The following ATP8A2 variants were observed in gnomAD, a reference collection of about 807,000 sequenced individuals.
ATP8A2 encodes the protein phospholipid-transporting ATPase IB.
Under a neutral mutation model 165.6 loss-of-function variants are expected in ATP8A2, and 100 were observed. The observed-to-expected ratio is 0.60, with a 90% confidence interval of 0.51 to 0.71. The LOEUF (loss-of-function observed/expected upper bound fraction) is 0.71. Among genes scored for constraint, ATP8A2 ranks in the 30% least tolerant of loss-of-function variants. The pLI, the probability that ATP8A2 is intolerant of heterozygous loss-of-function variation, is 0.00. For missense variants in ATP8A2, 1,227 were observed against 1,479.5 expected, an observed-to-expected ratio of 0.83 and a Z score of 2.80; for synonymous variants, 543 against 548.8, an observed-to-expected ratio of 0.99 and a Z score of 0.15.
chr13:25,937,640 G>A lies in ATP8A2; in HGVS notation c.3184-23935G>A, dbSNP rs377585766. Among the ~76,000 whole-genome samples the A allele has an allele frequency of 4.3e-3, 652 of 151,162 alleles. 4 individuals carry two copies. Among genetic ancestry groups the A allele is most frequent in the African/African-American group, 0.014 (588 of 41,362 alleles). ...TGAGGCTGGCGGATCACGAGGTCAG[G>A]AAATCAAGACCATCCTGGTTAACAC... On this transcript the variant is annotated intron_variant, in intron 33 of 36. Coordinates refer to ENST00000381655, the MANE Select transcript of ATP8A2 (RefSeq NM_016529.6).
chr13:25,913,692 A>C (rs1954187341), intron 33 of ATP8A2, among the ~76,000 whole-genome samples: 1 of 152,170 alleles, frequency 6.6e-6, no homozygotes, highest in Non-Finnish European at 1.5e-5. Flanking sequence ...TTAGAAATTA[A>C]GTTATCTTAG....
intron 1 of ATP8A2, among the ~76,000 whole-genome samples, chr13:25,436,381 G>A (rs1226219948): frequency 6.6e-6 from 1 of 152,070 alleles, no homozygotes; most frequent in Non-Finnish European, 1.5e-5. Flanking sequence ...TCTGTTCCTG[G>A]TTAATTCACT....
chr13:25,769,730 G>T (rs1381102718), intron 26 of ATP8A2, among the ~76,000 whole-genome samples: 1 of 152,188 alleles, frequency 6.6e-6, no homozygotes, highest in Non-Finnish European at 1.5e-5. Context: ...GTTATGAGAG[G>T]GGTGCTGTCC....
chr13:25,507,255 GTGTGTGTGTA>G (rs1202275694), intron 2 of ATP8A2, among the ~76,000 whole-genome samples: 1,004 of 89,328 alleles, frequency 0.011, 22 homozygotes, highest in African/African-American at 0.034. Context: ...GTGTGTGTGT[GTGTGTGTGTA>G]TTTTGTTGTT....
At chr13:25,478,933 C>T (rs1211672876) in intron 2 of ATP8A2, among the ~76,000 whole-genome samples, 4 of 152,012 alleles carry the variant, frequency 2.6e-5, no homozygotes, top group East Asian at 1.9e-4. Context: ...CTGCAACCTC[C>T]GCCTCCTGGG....
chr13:25,629,816 C>T (rs190599373), intron 24 of ATP8A2, among the ~76,000 whole-genome samples: 58 of 151,290 alleles, frequency 3.8e-4, no homozygotes, highest in Admixed American at 7.9e-4. Context: ...TTAACATATA[C>T]GGTGTAAATT....
chr13:25,654,733 G>A (rs892797169), intron 24 of ATP8A2, among the ~76,000 whole-genome samples: 1 of 152,078 alleles, frequency 6.6e-6, no homozygotes, highest in African/African-American at 2.4e-5. Context: ...CCTTTATTTC[G>A]CCTTTCTGCC....
chr13:25,582,950 C>A (rs147951032), intron 23 of ATP8A2, among the ~76,000 whole-genome samples: 1 of 152,184 alleles, frequency 6.6e-6, no homozygotes, highest in South Asian at 2.1e-4. Context: ...GGCTCCCAAA[C>A]AACGGAAGTT....
intron 30 of ATP8A2, among the ~76,000 whole-genome samples, chr13:25,857,962 A>C (rs140310727): frequency 6.6e-6 from 1 of 152,312 alleles, no homozygotes; most frequent in African/African-American, 2.4e-5. Context: ...CTAGACCACA[A>C]GCTGTATAAA....
Position 25,951,015 on chromosome 13 carries a change from G to A in ATP8A2, c.3184-10560G>A, listed in dbSNP as rs754291994. Among the ~76,000 whole-genome samples the A allele has an allele frequency of 1.1e-4, 16 of 152,288 alleles. No homozygotes were observed. In the East Asian group the frequency reaches 1.2e-3, roughly 11 times the overall value. Reference sequence around the variant, plus strand: ...GTGCTGCTGAGGATGTGGAGCAACCGGAATGCGCCTGCACTTGCTTTATTC... The same window carrying A: ...GTGCTGCTGAGGATGTGGAGCAACCAGAATGCGCCTGCACTTGCTTTATTC... On this transcript the variant is annotated intron_variant, in intron 33 of 36. Coordinates refer to ENST00000381655, the MANE Select transcript of ATP8A2 (RefSeq NM_016529.6).
In ATP8A2 at chr13:25,716,945, T is replaced by C. The variant is rs558183979; in HGVS notation, c.2384+17600T>C. Among the ~76,000 whole-genome samples the C allele has an allele frequency of 3.5e-4, 53 of 152,316 alleles. No homozygotes were observed. In the South Asian group the frequency reaches 0.011, roughly 32 times the overall value. Reference sequence around the variant, plus strand: ...TATAAAGCATGAATTGCTTATTTAGTTTTTTCCTTTAATTTCAAAGGGCCA... The same window carrying C: ...TATAAAGCATGAATTGCTTATTTAGCTTTTTCCTTTAATTTCAAAGGGCCA... On this transcript the variant is annotated intron_variant, in intron 25 of 36. Transcript: ENST00000381655.
At chr13:25,806,310 G>C (rs749349186) in intron 27 of ATP8A2, among the ~76,000 whole-genome samples, 5 of 152,088 alleles carry the variant, frequency 3.3e-5, no homozygotes, top group Non-Finnish European at 7.4e-5. Context: ...GAAGATGGCA[G>C]CTTTAGCATG....
rs115596194 is a variant in ATP8A2, at chr13:25,848,953, T to C, written c.2956+9329T>C. Among the ~76,000 whole-genome samples, 503 of 151,946 alleles carry C rather than the reference T, an allele frequency of 3.3e-3. 1 individual carries two copies. Among genetic ancestry groups the C allele is most frequent in the African/African-American group, 0.011 (472 of 41,428 alleles). Reference sequence around the variant, plus strand: ...TTGATGTAAATCTAGAAGTTGCTAGTTGGGATGGGGTGCGCTTCCTCTGAG... The same window carrying C: ...TTGATGTAAATCTAGAAGTTGCTAGCTGGGATGGGGTGCGCTTCCTCTGAG... On this transcript the variant is annotated intron_variant, in intron 30 of 36. Transcript: ENST00000381655.
intron 33 of ATP8A2, among the ~76,000 whole-genome samples, chr13:25,942,456 C>G (rs1304874296): frequency 1.3e-5 from 2 of 152,096 alleles, no homozygotes; most frequent in Admixed American, 6.6e-5. Context: ...AAGTCTCGCT[C>G]TTGTACCCTA....
At chr13:25,566,561 G>A (rs1164792015) in intron 16 of ATP8A2, among the ~76,000 whole-genome samples, 7 of 152,100 alleles carry the variant, frequency 4.6e-5, no homozygotes, top group Admixed American at 3.9e-4. Flanking sequence ...TAGGAGCTCC[G>A]GAGACTGCTC....
chr13:25,478,583 A>G (rs1274570491), intron 2 of ATP8A2, among the ~76,000 whole-genome samples: 1 of 152,196 alleles, frequency 6.6e-6, no homozygotes, highest in Non-Finnish European at 1.5e-5. Flanking sequence ...TCAAAACTGA[A>G]ATCATAGGTT....
chr13:25,488,772 T>A (rs898411067), intron 2 of ATP8A2, among the ~76,000 whole-genome samples: 1 of 152,056 alleles, frequency 6.6e-6, no homozygotes, highest in African/African-American at 2.4e-5. Context: ...GTTTTTGTCC[T>A]TTTTCTATGC....
intron 24 of ATP8A2, among the ~76,000 whole-genome samples, chr13:25,608,044 A>C (rs945339137): frequency 1.3e-5 from 2 of 152,232 alleles, no homozygotes; most frequent in African/African-American, 4.8e-5. Flanking sequence ...AACGGATTGA[A>C]TTAGTCTATT....
intron 4 of ATP8A2, among the ~76,000 whole-genome samples, chr13:25,531,364 ATATATATATG>A (rs2038081713): frequency 5.7e-5 from 7 of 122,036 alleles, no homozygotes; most frequent in African/African-American, 2.6e-4. Context: ...GTTATATATG[ATATATATATG>A]TTATATATAT....
Sources: gnomAD v4.1 joint callset for allele counts (sites outside exome capture counted in the v4.1 genomes callset) on GRCh38, gnomAD v4.1.1 for gene constraint, MANE v1.5 for transcripts, NCBI Gene and HGNC (gene_info 2026-07-23, HGNC 2026-07-21) for gene names.